Variants in ZC3H12D observed in about 807,000 individuals in gnomAD.
The protein encoded by ZC3H12D is zinc finger CCCH-type containing 12D.
Under a neutral mutation model 24.2 loss-of-function variants are expected in ZC3H12D, and 11 were observed. The observed-to-expected ratio is 0.46, with a 90% CI of 0.29 to 0.75. The LOEUF (loss-of-function observed/expected upper bound fraction) is 0.75, where lower values mean the gene tolerates loss of function less well. Among genes scored for constraint, ZC3H12D ranks in the 30% least tolerant of loss-of-function variants. ZC3H12D has a pLI of 0.11. For synonymous variants in ZC3H12D, 333 were observed against 341.8 expected (o/e 0.97, Z 0.28); for missense variants, 740 against 767.7 (o/e 0.96, Z 0.43).
chr6:149,469,657 C>T (rs1009482141), intron 2 of ZC3H12D, among the ~76,000 whole-genome samples: 2 of 152,178 alleles, frequency 1.3e-5, no homozygotes, highest in South Asian at 2.1e-4. Flanking sequence ...CTCTTTCTCA[C>T]GGAAACACAC....
intron 2 of ZC3H12D, among the ~76,000 whole-genome samples, chr6:149,464,098 G>T (rs757834622): frequency 1.3e-5 from 2 of 152,218 alleles, no homozygotes; most frequent in African/African-American, 2.4e-5. Context: ...TTTCCTGCTC[G>T]CCTGGAGAGA....
At position 149,458,148 on chromosome 6, in the gene ZC3H12D, T is replaced by TTTTC. The variant is rs1776017344; in HGVS notation, c.446-1249_446-1248insGAAA. ...CGTTTCTTTTTTTTTTTTTTTTTTT[T>TTTTC]TTTTTGAGACAAGATCTCACTGTGT... On this transcript the variant is annotated intron_variant, in intron 3 of 5. Transcript: ENST00000409806. Among the ~76,000 whole-genome samples, 31 of 128,078 alleles carry TTTTC rather than the reference T, an allele frequency of 2.4e-4. 1 individual carries two copies. Among genetic ancestry groups the TTTTC allele is most frequent in the African/African-American group, 1.1e-3 (29 of 27,588 alleles). 84.0% of individuals were successfully genotyped at this position (128,078 alleles called of 152,430 possible). A position where few individuals can be genotyped will look rare whatever the true frequency, so the allele number is the denominator to read the frequency against.
At chr6:149,453,860 C>T (rs953795283) in intron 4 of ZC3H12D, among the ~76,000 whole-genome samples, 3 of 152,144 alleles carry the variant, frequency 2.0e-5, no homozygotes, top group African/African-American at 7.2e-5. Context: ...CAGAGCTAGA[C>T]TCTATCATCT....
intron 1 of ZC3H12D, among the ~76,000 whole-genome samples, chr6:149,478,820 C>G (rs890721745): frequency 1.3e-5 from 2 of 152,094 alleles, no homozygotes; most frequent in Admixed American, 6.6e-5. Flanking sequence ...TCACCCCATA[C>G]CTGATGACTG....
At chr6:149,459,462 T>C (rs528334787) in intron 3 of ZC3H12D, 118 of 627,924 alleles carry the variant, frequency 1.9e-4, no homozygotes, top group Middle Eastern at 4.2e-4. Flanking sequence ...CAGAGAGGAT[T>C]GTATTGATTG....
chr6:149,482,636 G>T (rs1776444195), intron 1 of ZC3H12D, among the ~76,000 whole-genome samples: 1 of 152,190 alleles, frequency 6.6e-6, no homozygotes, highest in African/African-American at 2.4e-5. Flanking sequence ...CCAATACAGG[G>T]GAGGGGTCCC....
chr6:149,456,958 C>A lies in ZC3H12D; in HGVS notation c.446-58G>T, dbSNP rs1278212908. 1 of 1,537,146 alleles carries A rather than the reference C, an allele frequency of 6.5e-7. No individual in the cohort carries two copies. Among genetic ancestry groups the A allele is most frequent in the African/African-American group, 1.4e-5 (1 of 73,646 alleles). On this transcript the variant is annotated intron_variant, in intron 3 of 5. Coordinates refer to ENST00000409806, the MANE Select transcript of ZC3H12D (RefSeq NM_207360.3). The surrounding 1 kb of genome is among the most constrained non-coding windows in gnomAD (Gnocchi z 4.3). ...GCCCAAGGGCACCGCCCCTGAGAAC[C>A]ACCCCCAACGCGAGGCCACCCGCTT...
At chr6:149,476,737 G>T (rs1380326191) in intron 1 of ZC3H12D, among the ~76,000 whole-genome samples, 2 of 151,886 alleles carry the variant, frequency 1.3e-5, no homozygotes, top group African/African-American at 4.8e-5. Flanking sequence ...GAGCCCAGGA[G>T]TTTGAGGCTG....
chr6:149,464,289 A>C (rs1490100220), intron 2 of ZC3H12D, among the ~76,000 whole-genome samples: 1 of 152,220 alleles, frequency 6.6e-6, no homozygotes, highest in African/African-American at 2.4e-5. Context: ...TGACTGGTGA[A>C]ACCTGAAGAC....
intron 2 of ZC3H12D, among the ~76,000 whole-genome samples, chr6:149,470,626 C>T (rs949340707): frequency 1.3e-5 from 2 of 152,122 alleles, no homozygotes; most frequent in Admixed American, 1.3e-4. Context: ...GATGAAAAGG[C>T]CTTTTAAGGT....
At chr6:149,477,836 C>T (rs757517827) in intron 1 of ZC3H12D, among the ~76,000 whole-genome samples, 1 of 152,130 alleles carries the variant, frequency 6.6e-6, no homozygotes, top group Admixed American at 6.5e-5. Flanking sequence ...TAGGGAAGCC[C>T]GGGGGACTCC....
intron 2 of ZC3H12D, among the ~76,000 whole-genome samples, chr6:149,468,308 G>T (rs1007099453): frequency 1.3e-5 from 2 of 152,176 alleles, no homozygotes; most frequent in Admixed American, 1.3e-4. Context: ...ATAACCAAAG[G>T]TACAAAGAGG....
At chr6:149,466,664 T>C (rs1397937399) in intron 2 of ZC3H12D, among the ~76,000 whole-genome samples, 2 of 152,050 alleles carry the variant, frequency 1.3e-5, no homozygotes, top group Non-Finnish European at 2.9e-5. Flanking sequence ...GATCACGAGG[T>C]CAGGAGTTCG....
In ZC3H12D at chr6:149,458,334, C is replaced by T. The variant is rs536759985; in HGVS notation, c.446-1434G>A. Among the ~76,000 whole-genome samples, 5 of 151,704 alleles carry T rather than the reference C, an allele frequency of 3.3e-5. No individual in the cohort carries two copies. The East Asian group carries it at 9.7e-4, about 29-fold the overall frequency. ...TATTTTTTGTAAAGATGGGAATTCGCCATGTTGCCCAAGCTGGTCTCAAAC... is the reference window on the plus strand; with the variant it reads ...TATTTTTTGTAAAGATGGGAATTCGTCATGTTGCCCAAGCTGGTCTCAAAC... On this transcript the variant is annotated intron_variant, in intron 3 of 5. Transcript: ENST00000409806.
chr6:149,461,947 G>A lies in ZC3H12D; in HGVS notation c.329C>T (p.Ser110Phe). 1.9e-6 allele frequency: 3 copies of A among 1,612,144 alleles called. No individual in the cohort carries two copies. The highest frequency in any genetic ancestry group is 2.5e-6 in the Non-Finnish European group (3 of 1,179,222). ...AMSHGNKETF[S>F]CRGIKLAVDW... is the part of the protein sequence containing the mutation. ...AACAGCCAGCTTGATTCCCCGGCAA[G>A]AGAAGGTTTCTTTATTTCCATGGCT... The change falls in exon 3 of 6, where the codon TCT becomes TTT. Residue 110 changes from serine to phenylalanine, a missense_variant. Physicochemically the swap from Ser to Phe is radical, Grantham distance 155. Coordinates refer to ENST00000409806, the MANE Select transcript of ZC3H12D (RefSeq NM_207360.3).
chr6:149,453,929 T>G (rs1775939870), intron 4 of ZC3H12D, among the ~76,000 whole-genome samples: 1 of 152,196 alleles, frequency 6.6e-6, no homozygotes, highest in African/African-American at 2.4e-5. Flanking sequence ...TATGAGCTCC[T>G]TGAGGCTTAG....
intron 2 of ZC3H12D, among the ~76,000 whole-genome samples, chr6:149,469,273 C>T (rs763737139): frequency 7.2e-5 from 11 of 152,200 alleles, no homozygotes; most frequent in South Asian, 2.1e-4. Flanking sequence ...CTGGCTAACA[C>T]GGTGAAACCC....
chr6:149,479,601 T>C, intron 1 of ZC3H12D, among the ~76,000 whole-genome samples: 1 of 152,200 alleles, frequency 6.6e-6, no homozygotes, highest in Non-Finnish European at 1.5e-5. Context: ...GAATTATCAT[T>C]CTTCTGTTTC....
chr6:149,451,366 C>G lies in ZC3H12D; in HGVS notation c.901G>C (p.Ala301Pro). ...GGTGGCCGCTGCTCCTCGGCGCCCG[C>G]GCCAGGCCGGGCCCCTGTCTTGGCG... ...LRAKTGARPG[A>P]GAEEQRPPRA... is the part of the protein sequence containing the mutation. Residue 301 changes from alanine to proline, a missense_variant, in exon 6 of 6, where the codon GCG (alanine) becomes CCG (proline). Physicochemically the swap from Ala to Pro is conservative, Grantham distance 27 (BLOSUM62 -1). Coordinates refer to ENST00000409806, the MANE Select transcript of ZC3H12D (RefSeq NM_207360.3). The G allele has an allele frequency of 6.6e-7, 1 of 1,525,500 alleles. No individual in the cohort carries two copies. Among genetic ancestry groups the G allele is most frequent in the Non-Finnish European group, 8.7e-7 (1 of 1,149,250 alleles). 94.5% of individuals were successfully genotyped at this position (1,525,500 alleles called of 1,614,324 possible). A position where few individuals can be genotyped will look rare whatever the true frequency, so the allele number is the denominator to read the frequency against.
Sources: allele counts gnomAD v4.1 joint callset (sites outside exome capture counted in the v4.1 genomes callset), GRCh38; gene constraint gnomAD v4.1.1; non-coding constraint Gnocchi (gnomAD v3.1); transcripts MANE v1.5; gene names NCBI Gene and HGNC (gene_info 2026-07-23, HGNC 2026-07-21).